The following ZDHHC2 variants were observed in gnomAD, a reference collection of about 807,000 sequenced individuals.
The protein encoded by ZDHHC2 is palmitoyltransferase ZDHHC2.
ZDHHC2 carries 51 observed loss-of-function variants against 55.6 expected under a neutral mutation model. That is an observed-to-expected ratio of 0.92 (90% CI 0.73 to 1.16). ZDHHC2 has a LOEUF of 1.16. Among genes scored for constraint, ZDHHC2 ranks in the 50% most tolerant of loss-of-function variants. The pLI, the probability that ZDHHC2 is intolerant of heterozygous loss-of-function variation, is 0.00. For missense variants in ZDHHC2, 491 were observed against 442.4 expected, an observed-to-expected ratio of 1.11 and a Z score of -0.99; for synonymous variants, 199 against 152.9, an observed-to-expected ratio of 1.30 and a Z score of -2.22.
In ZDHHC2 at chr8:17,198,283, C is replaced by T. The variant is rs189008320; in HGVS notation, c.444-98C>T. 3.1e-3 allele frequency: 3,524 copies of T among 1,145,522 alleles called. 11 individuals are homozygous for T. The highest frequency in any genetic ancestry group is 3.8e-3 in the Non-Finnish European group (3,198 of 844,466). The allele number at this position is 1,145,522 out of a possible 1,614,324, so 71.0% of individuals were successfully genotyped here. A position where few individuals can be genotyped will look rare whatever the true frequency, so the allele number is the denominator to read the frequency against. On this transcript the variant is annotated intron_variant, in intron 5 of 12. Transcript: ENST00000262096. ...AAATAATTTTGCAATATTTTACTTGCCGCAGCTGTTTGAACTAACCATAAT... is the reference window on the plus strand; with the variant it reads ...AAATAATTTTGCAATATTTTACTTGTCGCAGCTGTTTGAACTAACCATAAT...
intron 4 of ZDHHC2, 26 bp downstream of exon 4, chr8:17,195,650 C>T: frequency 1.9e-6 from 3 of 1,612,482 alleles, no homozygotes; most frequent in Non-Finnish European, 2.5e-6. Context: ...GAGTGCTTTG[C>T]AATGGTATGC....
intron 1 of ZDHHC2, among the ~76,000 whole-genome samples, chr8:17,182,524 A>C (rs1265273832): frequency 6.6e-6 from 1 of 152,182 alleles, no homozygotes; most frequent in African/African-American, 2.4e-5. Flanking sequence ...GATCCCTTTC[A>C]TTCTACAAAT....
intron 3 of ZDHHC2, among the ~76,000 whole-genome samples, chr8:17,190,464 C>T (rs150298130): frequency 6.6e-6 from 1 of 152,082 alleles, no homozygotes; most frequent in Non-Finnish European, 1.5e-5. Flanking sequence ...TTTAATTGAT[C>T]AGCTGTTAGA....
intron 1 of ZDHHC2, among the ~76,000 whole-genome samples, chr8:17,178,541 A>C (rs1805267782): frequency 6.6e-6 from 1 of 152,090 alleles, no homozygotes; most frequent in Non-Finnish European, 1.5e-5. Flanking sequence ...CAGCTACCTA[A>C]CTCTGTCATT....
At position 17,186,413 on chromosome 8, in the gene ZDHHC2, T is replaced by C. The variant is rs1436292032; in HGVS notation, c.240T>C (p.Asn80=). The change falls in exon 3 of 13, where the codon AAT becomes AAC. Residue 80 remains asparagine, a synonymous_variant. Coordinates refer to ENST00000262096, the MANE Select transcript of ZDHHC2 (RefSeq NM_016353.5). ...YWKTIFTLPM[N]PSKEFHLSYA... ...AAACTATCTTTACATTACCAATGAA[T>C]CCTTCAAAAGAAGTAAGTTAAAATA... 1.9e-6 allele frequency: 3 copies of C among 1,552,282 alleles called. No individual in the cohort carries two copies. Among genetic ancestry groups the C allele is most frequent in the Non-Finnish European group, 1.7e-6 (2 of 1,151,698 alleles).
intron 1 of ZDHHC2, among the ~76,000 whole-genome samples, chr8:17,180,451 A>G (rs1805376934): frequency 6.6e-6 from 1 of 152,050 alleles, no homozygotes; most frequent in South Asian, 2.1e-4. Context: ...AACATTTTGC[A>G]TTTATTTCTT....
At chr8:17,193,792 A>C (rs2150919941) in intron 3 of ZDHHC2, among the ~76,000 whole-genome samples, 1 of 152,198 alleles carries the variant, frequency 6.6e-6, no homozygotes, top group East Asian at 1.9e-4. Flanking sequence ...ATTATACTTT[A>C]AGTTCTGGGG....
At chr8:17,204,329 G>T (rs55912998) in intron 6 of ZDHHC2, among the ~76,000 whole-genome samples, 7,684 of 152,252 alleles carry the variant, frequency 0.05, 227 homozygotes, top group African/African-American at 0.058. Flanking sequence ...TACGTTAGAA[G>T]GGGAACAAGA....
chr8:17,166,881 A>T (rs545154970), intron 1 of ZDHHC2, among the ~76,000 whole-genome samples: 1 of 152,198 alleles, frequency 6.6e-6, no homozygotes, highest in African/African-American at 2.4e-5. Context: ...ATGACTTTCA[A>T]TGTAATTTAC....
chr8:17,195,399 A>G lies in ZDHHC2; in HGVS notation c.253-105A>G, dbSNP rs373651054. On this transcript the variant is annotated intron_variant, in intron 3 of 12. Coordinates refer to ENST00000262096, the MANE Select transcript of ZDHHC2 (RefSeq NM_016353.5). ...TCTATTGTCTCTTTGAATGTACAATATACCATTAATATTTTATAAATACCC... is the reference window on the plus strand; with the variant it reads ...TCTATTGTCTCTTTGAATGTACAATGTACCATTAATATTTTATAAATACCC... The G allele has an allele frequency of 2.5e-5, 32 of 1,298,686 alleles. No homozygotes were observed. In the East Asian group the frequency reaches 3.3e-4, roughly 14 times the overall value. The allele number at this position is 1,298,686 out of a possible 1,614,324, so 80.4% of individuals were successfully genotyped here.
chr8:17,214,001 G>C (rs1175778168), intron 10 of ZDHHC2, among the ~76,000 whole-genome samples: 2 of 152,078 alleles, frequency 1.3e-5, no homozygotes, highest in South Asian at 4.1e-4. Context: ...AGAAGAAAAA[G>C]CATACGCATA....
Position 17,198,348 on chromosome 8 carries a change from G to GTAT in ZDHHC2, c.444-30_444-28dup, listed in dbSNP as rs753630585. 5 of 1,581,844 alleles carry GTAT rather than the reference G, an allele frequency of 3.2e-6. No individual in the cohort carries two copies. In the East Asian group the frequency reaches 1.1e-4, roughly 36 times the overall value. ...TTTAATATGATTAAAATTTCATGGG[G>GTAT]TATTAGGTTTTGTGTTCTGCTTTGT... On this transcript the variant is annotated intron_variant, in intron 5 of 12. Transcript: ENST00000262096.
At chr8:17,179,042 C>T (rs1213902302) in intron 1 of ZDHHC2, among the ~76,000 whole-genome samples, 4 of 152,210 alleles carry the variant, frequency 2.6e-5, no homozygotes, top group Non-Finnish European at 5.9e-5. Context: ...CCTCGACCTC[C>T]TGTGCTCAAG....
intron 2 of ZDHHC2, among the ~76,000 whole-genome samples, chr8:17,185,392 C>A (rs1805657002): frequency 6.6e-6 from 1 of 152,088 alleles, no homozygotes. Flanking sequence ...CACAGTGGCT[C>A]ATGCCTGTAA....
At position 17,222,133 on chromosome 8, in the gene ZDHHC2, C is replaced by T. The variant is rs1340121545; in HGVS notation, c.*1912C>T. The stretch of plus-strand genomic sequence containing the variant: ...TCTAGAGTACTGTTAATGCCCCTTT[C>T]CCACAGTCTTTTATATAATTAAATA... On this transcript the variant is annotated 3_prime_UTR_variant, in exon 13 of 13. Transcript: ENST00000262096. 1 of 151,472 alleles carries T rather than the reference C, an allele frequency of 6.6e-6. No individual in the cohort carries two copies. The highest frequency in any genetic ancestry group is 1.5e-5 in the Non-Finnish European group (1 of 67,712). The allele number at this position is 151,472 out of a possible 1,614,324, so 9.4% of individuals were successfully genotyped here. A position where few individuals can be genotyped will look rare whatever the true frequency, so the allele number is the denominator to read the frequency against.
intron 6 of ZDHHC2, 122 bp from the exon 7 acceptor site, chr8:17,205,531 TGA>T: frequency 9.0e-7 from 1 of 1,117,144 alleles, no homozygotes; most frequent in Non-Finnish European, 1.2e-6. Context: ...AGAAATCTTA[TGA>T]GTTATATTTA....
rs1807062934 is a variant in ZDHHC2, at chr8:17,205,678, C to T, written c.500C>T (p.Ser167Leu). 6.2e-7 allele frequency: 1 copy of T among 1,604,320 alleles called. No homozygotes were observed. The highest frequency in any genetic ancestry group is 1.3e-5 in the African/African-American group (1 of 74,230). The change falls in exon 7 of 13, where the codon TCA (serine) becomes TTA (leucine). Residue 167 changes from serine (S) to leucine (L), a missense_variant. By Grantham distance (145) the Ser-to-Leu change is moderately radical. Transcript: ENST00000262096. ...AGGGTGAACAATTGTGTTGGATTTT[C>T]AAATTATAAGTTCTTTCTCCTTTTC... ...CPWVNNCVGF[S>L]NYKFFLLFLA...
intron 10 of ZDHHC2, among the ~76,000 whole-genome samples, chr8:17,213,986 A>G (rs955599884): frequency 6.6e-6 from 1 of 152,206 alleles, no homozygotes. Flanking sequence ...GATATGAGGT[A>G]ATTAAGAAGA....
intron 10 of ZDHHC2, among the ~76,000 whole-genome samples, 181 bp downstream of exon 10, chr8:17,210,661 A>T (rs1242765848): frequency 1.3e-5 from 2 of 152,234 alleles, no homozygotes; most frequent in South Asian, 4.1e-4. Context: ...CTTCAATTAT[A>T]CTTGTAAAAT....
Sources: gnomAD v4.1 joint callset for allele counts (sites outside exome capture counted in the v4.1 genomes callset) on GRCh38, gnomAD v4.1.1 for gene constraint, MANE v1.5 for transcripts, NCBI Gene and HGNC (gene_info 2026-07-23, HGNC 2026-07-21) for gene names.